The following PDZRN4 variants were observed in gnomAD, a reference collection of about 807,000 sequenced individuals.
The protein encoded by PDZRN4 is PDZ domain-containing RING finger protein 4.
Under a neutral mutation model 99.0 loss-of-function variants are expected in PDZRN4, and 70 were observed. The ratio of observed to expected loss-of-function variants is 0.71; its 90% confidence interval spans 0.58 to 0.86. The LOEUF is 0.86. Among genes scored for constraint, PDZRN4 ranks in the 40% least tolerant of loss-of-function variants. The pLI is 0.00. For missense variants in PDZRN4, 1,474 were observed against 1,331.2 expected (o/e 1.11, Z -1.67); for synonymous variants, 551 against 501.6 (o/e 1.10, Z -1.32).
intron 3 of PDZRN4, among the ~76,000 whole-genome samples, chr12:41,321,566 C>T (rs1441847606): frequency 6.6e-6 from 1 of 152,158 alleles, no homozygotes; most frequent in African/African-American, 2.4e-5. Flanking sequence ...CCTAGAAATT[C>T]TAGTCAATAT....
At chr12:41,192,388 C>G (rs935378217) in intron 2 of PDZRN4, among the ~76,000 whole-genome samples, 1 of 152,356 alleles carries the variant, frequency 6.6e-6, no homozygotes, top group Admixed American at 6.5e-5. Flanking sequence ...GCTTGAGCCA[C>G]TGCACCTGGC....
At position 41,192,260 on chromosome 12, in the gene PDZRN4, C is replaced by A. The variant is rs139645240; in HGVS notation, c.735+716C>A. ...CTGGGATTATAGGCGTGTGCCACCA[C>A]GCCCAGCTAATTTTTGTATTTGTAG... On this transcript the variant is annotated intron_variant, in intron 2 of 9. Transcript: ENST00000402685. Among the ~76,000 whole-genome samples, 316 of 152,240 alleles carry A rather than the reference C, an allele frequency of 2.1e-3. 6 individuals carry two copies. The East Asian group carries it at 0.04, about 19-fold the overall frequency.
intron 3 of PDZRN4, among the ~76,000 whole-genome samples, chr12:41,289,167 C>T (rs546014858): frequency 6.6e-6 from 1 of 152,138 alleles, no homozygotes. Flanking sequence ...CTTCCCAACC[C>T]TCTGCTGTCT....
At chr12:41,201,754 C>T (rs772719217) in intron 3 of PDZRN4, among the ~76,000 whole-genome samples, 6 of 152,134 alleles carry the variant, frequency 3.9e-5, no homozygotes, top group South Asian at 4.1e-4. Flanking sequence ...AATCAGAAGT[C>T]GAAAGATTAT....
At chr12:41,465,022 G>A (rs553835356) in intron 3 of PDZRN4, among the ~76,000 whole-genome samples, 34 of 151,950 alleles carry the variant, frequency 2.2e-4, no homozygotes, top group Admixed American at 1.0e-3. Flanking sequence ...ATGGGGTTTT[G>A]CCATATTGGC....
chr12:41,462,018 AC>A (rs1952878205), intron 3 of PDZRN4, among the ~76,000 whole-genome samples: 1 of 152,146 alleles, frequency 6.6e-6, no homozygotes, highest in South Asian at 2.1e-4. Flanking sequence ...CAAGGGTTAG[AC>A]TTTGATAATA....
chr12:41,386,812 G>A (rs1239376398), intron 3 of PDZRN4, among the ~76,000 whole-genome samples: 1 of 152,016 alleles, frequency 6.6e-6, no homozygotes, highest in Non-Finnish European at 1.5e-5. Flanking sequence ...AAACCCAGAA[G>A]TAAGACTGCA....
intron 3 of PDZRN4, among the ~76,000 whole-genome samples, chr12:41,241,564 A>G (rs1030276775): frequency 6.6e-6 from 1 of 151,244 alleles, no homozygotes; most frequent in African/African-American, 2.5e-5. Context: ...TCCCTCATCT[A>G]TAAAATGGGG....
rs762714522 is a variant in PDZRN4, at chr12:41,191,422, T to G, written c.649-36T>G. ...TAGGATTTATTTTTCTTTTATATTT[T>G]TACCTGGTTAAGTCATTTTATACAT... On this transcript the variant is annotated intron_variant, in intron 1 of 9. Coordinates refer to ENST00000402685, the MANE Select transcript of PDZRN4 (RefSeq NM_001164595.2). 44 of 1,008,816 alleles carry G rather than the reference T, an allele frequency of 4.4e-5. No individual in the cohort carries two copies. In the South Asian group the frequency reaches 5.8e-4, roughly 13 times the overall value. 62.5% of individuals were successfully genotyped at this position (1,008,816 alleles called of 1,614,324 possible).
chr12:41,468,824 T>C (rs761145467), intron 3 of PDZRN4, among the ~76,000 whole-genome samples: 6 of 152,220 alleles, frequency 3.9e-5, no homozygotes, highest in Non-Finnish European at 5.9e-5. Flanking sequence ...CCTTTTTTAC[T>C]CTTTTGTTTT....
At chr12:41,486,189 A>T (rs1349528793) in intron 3 of PDZRN4, among the ~76,000 whole-genome samples, 1 of 152,162 alleles carries the variant, frequency 6.6e-6, no homozygotes, top group Non-Finnish European at 1.5e-5. Flanking sequence ...AAGACATTAA[A>T]ATATTGAGGG....
intron 3 of PDZRN4, among the ~76,000 whole-genome samples, chr12:41,214,469 T>C (rs1008895291): frequency 1.9e-5 from 2 of 105,366 alleles, no homozygotes; most frequent in Non-Finnish European, 4.5e-5. Flanking sequence ...TTTGGGACTG[T>C]TGAGAAATTC....
intron 3 of PDZRN4, among the ~76,000 whole-genome samples, chr12:41,208,317 C>T (rs1159680627): frequency 6.6e-6 from 1 of 151,908 alleles, no homozygotes; most frequent in Non-Finnish European, 1.5e-5. Context: ...GATTTTGCTG[C>T]TTTAAGAGTG....
chr12:41,263,045 T>G (rs2120836576), intron 3 of PDZRN4, among the ~76,000 whole-genome samples: 1 of 152,246 alleles, frequency 6.6e-6, no homozygotes, highest in Non-Finnish European at 1.5e-5. Flanking sequence ...GATTACCTCA[T>G]GCTTAAGGTA....
intron 3 of PDZRN4, among the ~76,000 whole-genome samples, chr12:41,242,628 G>GACACACAC (rs112751345): frequency 1.3e-5 from 2 of 148,656 alleles, no homozygotes; most frequent in South Asian, 4.3e-4. Flanking sequence ...TGTTCTTGTG[G>GACACACAC]ACACACACAC....
chr12:41,242,406 A>G (rs1202013794), intron 3 of PDZRN4, among the ~76,000 whole-genome samples: 2 of 152,214 alleles, frequency 1.3e-5, no homozygotes, highest in Non-Finnish European at 2.9e-5. Flanking sequence ...TATCTCAATA[A>G]CTTAGGTTAA....
intron 3 of PDZRN4, among the ~76,000 whole-genome samples, chr12:41,369,683 G>A (rs893979039): frequency 1.3e-5 from 2 of 151,736 alleles, no homozygotes; most frequent in African/African-American, 2.4e-5. Flanking sequence ...TTTAAATAAA[G>A]TATACATGTA....
chr12:41,446,743 G>A (rs762423986), intron 3 of PDZRN4, among the ~76,000 whole-genome samples: 1 of 151,986 alleles, frequency 6.6e-6, no homozygotes, highest in Non-Finnish European at 1.5e-5. Flanking sequence ...CAGTGGACAT[G>A]GCAGAGAAAA....
intron 3 of PDZRN4, among the ~76,000 whole-genome samples, chr12:41,248,226 T>TACAG (rs1951146139): frequency 6.6e-6 from 1 of 152,212 alleles, no homozygotes; most frequent in South Asian, 2.1e-4. Context: ...TGCTGAGTAC[T>TACAG]TTTAGAGTCA....
Sources: gnomAD v4.1 joint callset for allele counts (sites outside exome capture counted in the v4.1 genomes callset) on GRCh38, gnomAD v4.1.1 for gene constraint, MANE v1.5 for transcripts, NCBI Gene and HGNC (gene_info 2026-07-23, HGNC 2026-07-21) for gene names.